Variants in NRXN1 observed in about 807,000 individuals in gnomAD.
The protein encoded by NRXN1 is neurexin 1, also known as neurexin-1.
A neutral mutation model predicts 150.9 loss-of-function variants in NRXN1; 39 were observed. That is an observed-to-expected ratio of 0.26 (90% confidence interval 0.20 to 0.34). The LOEUF (loss-of-function observed/expected upper bound fraction) is 0.34. Ranked by LOEUF, NRXN1 falls within the 10% of genes least tolerant of loss-of-function variation. The pLI, the probability that NRXN1 is intolerant of heterozygous loss-of-function variation, is 1.00. For missense variants in NRXN1, 1,815 were observed against 1,949.9 expected (o/e 0.93, Z 1.30); for synonymous variants, 924 against 757.0 (o/e 1.22, Z -3.62).
At chr2:50,133,622 ATAAAT>A (rs1295318957) in intron 18 of NRXN1, among the ~76,000 whole-genome samples, 1 of 152,212 alleles carries the variant, frequency 6.6e-6, no homozygotes, top group Non-Finnish European at 1.5e-5. Context: ...GAAAAGAAAA[ATAAAT>A]TAAAGCCACA....
chr2:50,883,101 T>C (rs1424449541), intron 5 of NRXN1, among the ~76,000 whole-genome samples: 1 of 151,874 alleles, frequency 6.6e-6, no homozygotes, highest in African/African-American at 2.4e-5. Context: ...TAAAATGAAA[T>C]TTTGAAGCAG....
chr2:50,852,836 TA>T (rs1366143701), intron 5 of NRXN1, among the ~76,000 whole-genome samples: 8 of 152,294 alleles, frequency 5.3e-5, no homozygotes, highest in Non-Finnish European at 1.0e-4. Flanking sequence ...GAATATCACC[TA>T]AAATCAACTG....
intron 5 of NRXN1, among the ~76,000 whole-genome samples, chr2:50,686,701 G>T (rs544347937): frequency 2.0e-5 from 3 of 152,282 alleles, no homozygotes; most frequent in South Asian, 2.1e-4. Flanking sequence ...CACATCTCGA[G>T]TCTATCTCCA....
At chr2:50,140,351 A>G (rs1452043165) in intron 18 of NRXN1, among the ~76,000 whole-genome samples, 1 of 152,124 alleles carries the variant, frequency 6.6e-6, no homozygotes, top group East Asian at 1.9e-4. Flanking sequence ...GAACCTGACC[A>G]TGTTACTCTT....
intron 21 of NRXN1, among the ~76,000 whole-genome samples, chr2:50,029,018 T>C (rs1361849550): frequency 1.3e-5 from 2 of 152,230 alleles, no homozygotes; most frequent in Non-Finnish European, 2.9e-5. Flanking sequence ...CAAATTCATA[T>C]GTTGAAACCT....
chr2:49,924,179 C>T (rs1461414312), intron 22 of NRXN1, among the ~76,000 whole-genome samples: 2 of 152,166 alleles, frequency 1.3e-5, no homozygotes, highest in African/African-American at 4.8e-5. Flanking sequence ...TATGGTGTCT[C>T]AAGAGCTAAA....
Position 49,922,248 on chromosome 2 carries a change from T to A in NRXN1, c.4220A>T (p.Asn1407Ile). 2 of 1,613,050 alleles carry A rather than the reference T, an allele frequency of 1.2e-6. No individual in the cohort carries two copies. Residue 1407 changes from asparagine to isoleucine, a missense_variant, in exon 23 of 23, where the codon AAC (asparagine) becomes ATC (isoleucine). Physicochemically the swap from Asn to Ile is moderately radical, Grantham distance 149. Coordinates refer to ENST00000401669, the MANE Select transcript of NRXN1 (RefSeq NM_001330078.2). ...PCEPSSGGLA[N>I]PTRAGGREPY... Reference sequence around the variant, plus strand: ...CTCTCTGCCGCCTGCTCGGGTTGGGTTGGCTATAGAAAAGAGGATGAGAAC... The same window carrying A: ...CTCTCTGCCGCCTGCTCGGGTTGGGATGGCTATAGAAAAGAGGATGAGAAC...
chr2:50,712,729 C>A (rs1194748687), intron 5 of NRXN1, among the ~76,000 whole-genome samples: 1 of 152,136 alleles, frequency 6.6e-6, no homozygotes, highest in Non-Finnish European at 1.5e-5. Flanking sequence ...TTGAGCTGCT[C>A]CCCTGCCCTG....
intron 18 of NRXN1, among the ~76,000 whole-genome samples, chr2:50,176,271 A>T (rs1044651390): frequency 1.3e-5 from 2 of 152,186 alleles, no homozygotes; most frequent in African/African-American, 2.4e-5. Context: ...TTTGGTCTAG[A>T]AAGTTAAAAA....
At chr2:51,030,430 T>A (rs1270615296) in intron 1 of NRXN1, among the ~76,000 whole-genome samples, 2 of 151,896 alleles carry the variant, frequency 1.3e-5, no homozygotes, top group Non-Finnish European at 2.9e-5. Context: ...GCATTTCTCT[T>A]CAGTACAGAG....
At chr2:50,408,837 ATCTCTCTCTC>A (rs10522429) in intron 17 of NRXN1, among the ~76,000 whole-genome samples, 19 of 136,650 alleles carry the variant, frequency 1.4e-4, no homozygotes, top group South Asian at 1.2e-3. Flanking sequence ...ATCAATCTCA[ATCTCTCTCTC>A]TCTCTCTCTC....
At chr2:50,150,235 C>A (rs769397038) in intron 18 of NRXN1, among the ~76,000 whole-genome samples, 1 of 151,700 alleles carries the variant, frequency 6.6e-6, no homozygotes, top group Non-Finnish European at 1.5e-5. Context: ...GAGACAAGCA[C>A]AACAATGGAT....
At chr2:50,778,372 T>A (rs544026508) in intron 5 of NRXN1, among the ~76,000 whole-genome samples, 1 of 152,350 alleles carries the variant, frequency 6.6e-6, no homozygotes, top group Non-Finnish European at 1.5e-5. Flanking sequence ...GTAATTGTTT[T>A]TAAATAGACT....
At chr2:51,018,729 T>C (rs1025673058) in intron 2 of NRXN1, among the ~76,000 whole-genome samples, 1 of 152,142 alleles carries the variant, frequency 6.6e-6, no homozygotes, top group African/African-American at 2.4e-5. Flanking sequence ...CAGAGGTTGA[T>C]ATTTTCAATA....
At position 50,623,319 on chromosome 2, in the gene NRXN1, G is replaced by A. The variant is rs746974723; in HGVS notation, c.1129C>T (p.Arg377Cys). The change falls in exon 6 of 23, where the codon CGT becomes TGT. Residue 377 changes from arginine to cysteine, a missense_variant. By Grantham distance (180) the Arg-to-Cys change is radical. Transcript: ENST00000401669. Reference sequence around the variant, plus strand: ...CTTATCCACTGCGCTGTTACCTGACGCAGATTCCTGGTGACTTTCACATCA... The same window carrying A: ...CTTATCCACTGCGCTGTTACCTGACACAGATTCCTGGTGACTTTCACATCA... ...WHDVKVTRNL[R>C]QHSGIGHAMV... The A allele has an allele frequency of 1.2e-6, 2 of 1,611,778 alleles. No homozygotes were observed. Among genetic ancestry groups the A allele is most frequent in the Non-Finnish European group, 8.5e-7 (1 of 1,178,342 alleles).
chr2:50,006,440 A>C (rs1193054719), intron 21 of NRXN1, among the ~76,000 whole-genome samples: 1 of 152,192 alleles, frequency 6.6e-6, no homozygotes, highest in East Asian at 1.9e-4. Context: ...CAAACTCCTT[A>C]GCAGGTTTTC....
intron 5 of NRXN1, among the ~76,000 whole-genome samples, chr2:50,819,860 C>T (rs1669469054): frequency 6.6e-6 from 1 of 152,010 alleles, no homozygotes; most frequent in African/African-American, 2.4e-5. Context: ...TGGTACTTTA[C>T]TGTTAACACT....
intron 5 of NRXN1, among the ~76,000 whole-genome samples, chr2:50,783,192 T>C (rs972976225): frequency 6.6e-6 from 1 of 152,152 alleles, no homozygotes; most frequent in Non-Finnish European, 1.5e-5. Context: ...TGTAGTAATA[T>C]AGCATCAGCT....
intron 21 of NRXN1, among the ~76,000 whole-genome samples, chr2:50,026,191 T>C (rs530585146): frequency 2.0e-5 from 3 of 152,170 alleles, no homozygotes; most frequent in Admixed American, 6.5e-5. Context: ...TCTACAAGAG[T>C]AGAAAAAATC....
Sources: allele counts gnomAD v4.1 joint callset (sites outside exome capture counted in the v4.1 genomes callset), GRCh38; gene constraint gnomAD v4.1.1; transcripts MANE v1.5; gene names NCBI Gene and HGNC (gene_info 2026-07-23, HGNC 2026-07-21).